The following AFP variants were observed in gnomAD, a reference collection of about 807,000 sequenced individuals.
The protein encoded by AFP is alpha-fetoprotein.
AFP carries 64 observed loss-of-function variants against 78.9 expected under a neutral mutation model. The observed-to-expected ratio is 0.81, with a 90% CI of 0.66 to 1.00. AFP has a LOEUF of 1.00. Among genes scored for constraint, AFP ranks in the 50% least tolerant of loss-of-function variants. The probability of loss-of-function intolerance (pLI) is 0.00; values close to 1 mark genes in which losing one functional copy is unlikely to be tolerated. For synonymous variants in AFP, 254 were observed against 243.8 expected (o/e 1.04, Z -0.39); for missense variants, 689 against 703.8 (o/e 0.98, Z 0.24).
chr4:73,443,355 A>G lies in AFP; in HGVS notation c.624A>G (p.Thr208=). ...GTTTCCTCTACATCTAGGCAGCAAC[A>G]GTTACAAAAGAATTAAGAGAAAGCA... The part of the protein sequence containing the change: ...AVECFQTKAA[T]VTKELRESSL... The change falls in exon 6 of 15, where the codon ACA becomes ACG. Residue 208 remains threonine, a synonymous_variant. Transcript: ENST00000395792. 1 of 1,612,684 alleles carries G rather than the reference A, an allele frequency of 6.2e-7. No individual in the cohort carries two copies. The highest frequency in any genetic ancestry group is 1.1e-5 in the South Asian group (1 of 91,024).
In AFP at chr4:73,437,178, A is replaced by G. The variant is rs1216645755; in HGVS notation, c.104A>G (p.Tyr35Cys). ...TTTCCAGCTTCCATATTGGATTCTT[A>G]CCAATGTACTGCAGAGATAAGTTTA... ...EYGIASILDS[Y>C]QCTAEISLAD... Residue 35 changes from tyrosine to cysteine, a missense_variant, in exon 2 of 15, where the codon TAC becomes TGC. Tyr to Cys is a radical substitution (Grantham distance 194). Transcript: ENST00000395792. The G allele has an allele frequency of 6.2e-7, 1 of 1,611,362 alleles. No individual in the cohort carries two copies. The highest frequency in any genetic ancestry group is 8.5e-7 in the Non-Finnish European group (1 of 1,178,050).
chr4:73,449,306 C>G, intron 8 of AFP, 29 bp from the exon 9 acceptor site: 1 of 1,602,342 alleles, frequency 6.2e-7, no homozygotes, highest in South Asian at 1.1e-5. Flanking sequence ...GTTCCAATAA[C>G]TTGAAATATT....
rs1288514192 is a variant in AFP at position 73,453,858 on chromosome 4, C to T, written c.1746C>T (p.Cys582=). The change falls in exon 13 of 15, where the codon TGC becomes TGT. Residue 582 remains cysteine, a synonymous_variant. Coordinates refer to ENST00000395792, the MANE Select transcript of AFP (RefSeq NM_001134.3). ...IADFSGLLEK[C]CQGQEQEVCF... ...ATTTCTCAGGCCTGTTGGAGAAATG[C>T]TGCCAAGGCCAGGAACAGGAAGTCT... is the stretch of plus-strand genomic sequence containing the variant. 2 of 1,613,796 alleles carry T rather than the reference C, an allele frequency of 1.2e-6. No homozygotes were observed. Among genetic ancestry groups the T allele is most frequent in the East Asian group, 4.5e-5 (2 of 44,876 alleles).
intron 7 of AFP, among the ~76,000 whole-genome samples, chr4:73,445,439 A>AT (rs1244770234): frequency 1.3e-5 from 2 of 152,102 alleles, no homozygotes; most frequent in Non-Finnish European, 2.9e-5. Context: ...TAATGTATTT[A>AT]TTTTTTCATT....
intron 11 of AFP, among the ~76,000 whole-genome samples, chr4:73,451,240 G>A (rs577444723): frequency 3.9e-5 from 6 of 152,138 alleles, no homozygotes; most frequent in Non-Finnish European, 8.8e-5. Context: ...CCCTTTCGCA[G>A]GGTATAGGGT....
At chr4:73,453,982 A>G in intron 13 of AFP, 85 bp downstream of exon 13, 2 of 1,511,082 alleles carry the variant, frequency 1.3e-6, no homozygotes, top group Non-Finnish European at 1.8e-6. Flanking sequence ...ACAAATTTAT[A>G]ACTTTAAAAT....
intron 10 of AFP, 67 bp downstream of exon 10, chr4:73,450,200 C>A: frequency 7.8e-7 from 1 of 1,277,782 alleles, no homozygotes; most frequent in Non-Finnish European, 1.1e-6. Flanking sequence ...CTTCCCCATT[C>A]TCCTCCTTTG....
Position 73,445,067 on chromosome 4 carries a change from C to T in AFP, c.788C>T (p.Ala263Val), listed in dbSNP as rs934953054. 15 of 1,613,884 alleles carry T rather than the reference C, an allele frequency of 9.3e-6. No individual in the cohort carries two copies. The East Asian group carries it at 1.1e-4, about 12-fold the overall frequency. The stretch of plus-strand genomic sequence containing the variant: ...ATCCAGAAACTAGTCCTGGATGTGG[C>T]CCATGTACATGAGCACTGTTGCAGA... The part of the protein sequence containing the change: ...TEIQKLVLDV[A>V]HVHEHCCRGD... The change falls in exon 7 of 15, where the codon GCC becomes GTC. Residue 263 changes from alanine to valine, a missense_variant. Physicochemically the swap from Ala to Val is moderately conservative, Grantham distance 64 (BLOSUM62 0). Coordinates refer to ENST00000395792, the MANE Select transcript of AFP (RefSeq NM_001134.3).
chr4:73,444,120 T>C (rs910371403), intron 6 of AFP, among the ~76,000 whole-genome samples: 5 of 152,254 alleles, frequency 3.3e-5, no homozygotes, highest in African/African-American at 1.2e-4. Flanking sequence ...TTGTAGACAA[T>C]GGAAATCTAG....
chr4:73,440,456 C>A, intron 3 of AFP, 146 bp from the exon 4 acceptor site: 1 of 686,550 alleles, frequency 1.5e-6, no homozygotes, highest in Non-Finnish European at 2.5e-6. Context: ...TTTCATCAGG[C>A]TGAAACAAAA....
intron 7 of AFP, among the ~76,000 whole-genome samples, chr4:73,445,787 A>T (rs548372805): frequency 2.6e-5 from 4 of 152,336 alleles, no homozygotes; most frequent in South Asian, 2.1e-4. Context: ...AACAAAATTT[A>T]AAAAACCCAG....
Position 73,452,552 on chromosome 4 carries a change from C to T in AFP, c.1580C>T (p.Ser527Phe). Residue 527 changes from serine (S) to phenylalanine (F), a missense_variant, in exon 12 of 15, where the codon TCT becomes TTT. Physicochemically the swap from Ser to Phe is radical, Grantham distance 155. Transcript: ENST00000395792. ...VDETYVPPAF[S>F]DDKFIFHKDL... ...GAAACATATGTCCCTCCTGCATTCT[C>T]TGATGACAAGTTCATTTTCCATAAG... 1 of 1,614,026 alleles carries T rather than the reference C, an allele frequency of 6.2e-7. No individual in the cohort carries two copies. Among genetic ancestry groups the T allele is most frequent in the Non-Finnish European group, 8.5e-7 (1 of 1,179,970 alleles).
intron 13 of AFP, among the ~76,000 whole-genome samples, chr4:73,454,708 T>C (rs1205150922): frequency 6.6e-6 from 1 of 151,980 alleles, no homozygotes; most frequent in Non-Finnish European, 1.5e-5. Context: ...AAATGTAGAG[T>C]TTTTCTATAA....
intron 4 of AFP, 110 bp from the exon 5 acceptor site, chr4:73,442,186 T>C: frequency 9.2e-7 from 1 of 1,090,204 alleles, no homozygotes; most frequent in African/African-American, 1.6e-5. Flanking sequence ...CAAATGCATT[T>C]TGTTGTTGTT....
chr4:73,437,197 A>C lies in AFP; in HGVS notation c.123A>C (p.Ile41=), dbSNP rs1719533261. 6.2e-7 allele frequency: 1 copy of C among 1,610,720 alleles called. No individual in the cohort carries two copies. Residue 41 remains isoleucine (I), a synonymous_variant, in exon 2 of 15, where the codon ATA becomes ATC. Coordinates refer to ENST00000395792, the MANE Select transcript of AFP (RefSeq NM_001134.3). ...ATTCTTACCAATGTACTGCAGAGAT[A>C]AGTTTAGCTGACCTGTAAGTTTTGC... ...ILDSYQCTAE[I]SLADLATIFF... is the part of the protein sequence containing the mutation.
At chr4:73,449,147 A>T (rs1479478018) in intron 8 of AFP, among the ~76,000 whole-genome samples, 188 bp from the exon 9 acceptor site, 1 of 152,216 alleles carries the variant, frequency 6.6e-6, no homozygotes, top group East Asian at 1.9e-4. Flanking sequence ...TTACAGGACA[A>T]TTTGAAGGAT....
chr4:73,438,237 G>A lies in AFP; in HGVS notation c.201G>A (p.Val67=). The A allele has an allele frequency of 1.9e-6, 3 of 1,613,516 alleles. No homozygotes were observed. The highest frequency in any genetic ancestry group is 2.5e-6 in the Non-Finnish European group (3 of 1,179,572). The change falls in exon 3 of 15, where the codon GTG becomes GTA. Residue 67 remains valine (V), a synonymous_variant. Transcript: ENST00000395792. ...CTTACAAGGAAGTAAGCAAAATGGTGAAAGATGCATTGACTGCAATTGAGA... is the reference window on the plus strand; with the variant it reads ...CTTACAAGGAAGTAAGCAAAATGGTAAAAGATGCATTGACTGCAATTGAGA... ...EATYKEVSKM[V]KDALTAIEKP...
At chr4:73,442,587 G>T (rs147118876) in intron 5 of AFP, among the ~76,000 whole-genome samples, 159 bp downstream of exon 5, 1 of 152,268 alleles carries the variant, frequency 6.6e-6, no homozygotes, top group African/African-American at 2.4e-5. Context: ...AACAAAACTG[G>T]ATTTGCTGGT....
intron 10 of AFP, 32 bp from the exon 11 acceptor site, chr4:73,450,583 A>G (rs1254040721): frequency 1.9e-6 from 3 of 1,614,040 alleles, no homozygotes; most frequent in Non-Finnish European, 2.5e-6. Context: ...TGAATGACTC[A>G]GCAGGACTTA....
Sources: gnomAD v4.1 joint callset for allele counts (sites outside exome capture counted in the v4.1 genomes callset) on GRCh38, gnomAD v4.1.1 for gene constraint, MANE v1.5 for transcripts, NCBI Gene and HGNC (gene_info 2026-07-23, HGNC 2026-07-21) for gene names.